The following PTPN4 variants were observed in gnomAD, a reference collection of about 807,000 sequenced individuals.
PTPN4 encodes tyrosine-protein phosphatase non-receptor type 4.
PTPN4 carries 49 observed loss-of-function variants against 135.5 expected under a neutral mutation model. That is an observed-to-expected ratio of 0.36 (90% CI 0.29 to 0.46). The LOEUF (loss-of-function observed/expected upper bound fraction) is 0.46. PTPN4 is among the 20% of genes least tolerant of loss of function. The pLI is 1.00. For synonymous variants in PTPN4, 333 were observed against 369.9 expected (o/e 0.90, Z 1.14); for missense variants, 860 against 1,101.0 (o/e 0.78, Z 3.10).
chr2:119,952,193 GC>G, intron 19 of PTPN4, 64 bp downstream of exon 19: 2 of 1,413,840 alleles, frequency 1.4e-6, no homozygotes, highest in Admixed American at 4.2e-5. Context: ...ACTGAGCACA[GC>G]AGCCAGATTT....
chr2:119,955,102 TG>T, intron 19 of PTPN4, 54 bp from the exon 20 acceptor site: 1 of 1,451,154 alleles, frequency 6.9e-7, no homozygotes, highest in Non-Finnish European at 9.3e-7. Flanking sequence ...ATTCCTATCG[TG>T]TGAATTCATT....
chr2:119,955,810 G>A (rs930415926), intron 20 of PTPN4, among the ~76,000 whole-genome samples: 3 of 152,042 alleles, frequency 2.0e-5, no homozygotes, highest in Non-Finnish European at 4.4e-5. Context: ...GGTGGCAGGT[G>A]CCTGTAGTCC....
chr2:119,844,935 C>G (rs1677464982), intron 2 of PTPN4, among the ~76,000 whole-genome samples: 1 of 151,106 alleles, frequency 6.6e-6, no homozygotes, highest in African/African-American at 2.4e-5. Context: ...GAGCCGAGAT[C>G]ACGCCACTGC....
chr2:119,900,714 G>T lies in PTPN4; in HGVS notation c.676-4G>T. 1 of 1,512,262 alleles carries T rather than the reference G, an allele frequency of 6.6e-7. No individual in the cohort carries two copies. Among genetic ancestry groups the T allele is most frequent in the South Asian group, 1.3e-5 (1 of 78,262 alleles). The allele number at this position is 1,512,262 out of a possible 1,614,324, so 93.7% of individuals were successfully genotyped here. ...TATCATGTTTTTATTCATTTTTTTT[G>T]AAGGATCAGAGTAACAATGAAATTA... On this transcript the variant is annotated splice_region_variant and splice_polypyrimidine_tract_variant and intron_variant, in intron 9 of 26. Coordinates refer to ENST00000263708, the MANE Select transcript of PTPN4 (RefSeq NM_002830.4).
rs1679715172 is a variant in PTPN4, at chr2:119,982,882, A to T, written c.*5812A>T. On this transcript the variant is annotated 3_prime_UTR_variant, in exon 27 of 27. Coordinates refer to ENST00000263708, the MANE Select transcript of PTPN4 (RefSeq NM_002830.4). ...GGCCCAACTCTGAATTGTAGCAGTG[A>T]TGTCTTATATGCTTACGAGTTTATA... 6.6e-6 allele frequency: 1 copy of T among 152,144 alleles called. No individual in the cohort carries two copies. The highest frequency in any genetic ancestry group is 6.5e-5 in the Admixed American group (1 of 15,268). The allele number at this position is 152,144 out of a possible 1,614,324, so 9.4% of individuals were successfully genotyped here.
At chr2:119,820,580 A>ATGTT (rs1053478203) in intron 2 of PTPN4, among the ~76,000 whole-genome samples, 2 of 152,136 alleles carry the variant, frequency 1.3e-5, no homozygotes, top group Non-Finnish European at 2.9e-5. Context: ...GTTGGTGTTG[A>ATGTT]TGTTGATGGA....
chr2:119,965,409 C>T, intron 24 of PTPN4, 88 bp from the exon 25 acceptor site: 1 of 1,273,826 alleles, frequency 7.9e-7, no homozygotes, highest in Non-Finnish European at 1.1e-6. Flanking sequence ...TCTCCCCCTC[C>T]CTTCTTTCCT....
chr2:119,778,623 A>G (rs1383235325), intron 1 of PTPN4, among the ~76,000 whole-genome samples: 1 of 152,164 alleles, frequency 6.6e-6, no homozygotes, highest in African/African-American at 2.4e-5. Context: ...TATAAATAGG[A>G]TATAGTGAGT....
In PTPN4 at chr2:119,787,751, T is replaced by G. The variant is rs147320793; in HGVS notation, c.-17-22086T>G. Among the ~76,000 whole-genome samples the G allele has an allele frequency of 1.4e-3, 210 of 152,336 alleles. 1 individual carries two copies. Among genetic ancestry groups the G allele is most frequent in the Non-Finnish European group, 2.6e-3 (174 of 68,030 alleles). The stretch of plus-strand genomic sequence containing the variant: ...GGATTGTGGAACCTATGTAGTTCTA[T>G]TTCTTCATCTATAGAAATAAAGTTA... On this transcript the variant is annotated intron_variant, in intron 1 of 26. Transcript: ENST00000263708.
chr2:119,840,032 A>G (rs1677356937), intron 2 of PTPN4, among the ~76,000 whole-genome samples: 1 of 152,214 alleles, frequency 6.6e-6, no homozygotes, highest in Admixed American at 6.5e-5. Flanking sequence ...TTTTTATTTA[A>G]ATACTTTTTT....
At position 119,960,851 on chromosome 2, in the gene PTPN4, T is replaced by C; in HGVS notation, c.2178T>C (p.Cys726=). 1 of 1,613,928 alleles carries C rather than the reference T, an allele frequency of 6.2e-7. No homozygotes were observed. The highest frequency in any genetic ancestry group is 8.5e-7 in the Non-Finnish European group (1 of 1,179,918). The part of the protein sequence containing the change: ...SSSIINQYIA[C]QGPLPHTCTD... Reference sequence around the variant, plus strand: ...GCATTATAAATCAGTACATTGCTTGTCAAGGGCCATTACCACACACTTGTA... The same window carrying C: ...GCATTATAAATCAGTACATTGCTTGCCAAGGGCCATTACCACACACTTGTA... Residue 726 remains cysteine (C), a synonymous_variant, in exon 23 of 27, where the codon TGT becomes TGC. Coordinates refer to ENST00000263708, the MANE Select transcript of PTPN4 (RefSeq NM_002830.4).
At chr2:119,798,198 C>G (rs1349180060) in intron 1 of PTPN4, among the ~76,000 whole-genome samples, 1 of 146,906 alleles carries the variant, frequency 6.8e-6, no homozygotes, top group Admixed American at 6.8e-5. Flanking sequence ...CGGAGTTTTG[C>G]GCTTGTCACC....
intron 8 of PTPN4, among the ~76,000 whole-genome samples, chr2:119,882,992 AG>A (rs1278937956): frequency 6.6e-6 from 1 of 152,172 alleles, no homozygotes; most frequent in East Asian, 1.9e-4. Context: ...GTGAGCCAAG[AG>A]GAGAACAGGA....
intron 26 of PTPN4, among the ~76,000 whole-genome samples, chr2:119,971,180 A>G (rs1296123587): frequency 6.6e-6 from 1 of 152,182 alleles, no homozygotes; most frequent in Non-Finnish European, 1.5e-5. Context: ...ACTTACAATC[A>G]TGGTGGAAGG....
In PTPN4 at chr2:119,760,135, A is replaced by G; in HGVS notation, c.-267A>G. On this transcript the variant is annotated 5_prime_UTR_variant, in exon 1 of 27. Transcript: ENST00000263708. ...GGGGTGTGGATTATCTCATCCCTGC[A>G]GGGAGGTAGGAGAGGTCGCCGGCTG... is the stretch of plus-strand genomic sequence containing the variant. 2.6e-6 allele frequency: 1 copy of G among 391,746 alleles called. No individual in the cohort carries two copies. Among genetic ancestry groups the G allele is most frequent in the Non-Finnish European group, 4.5e-6 (1 of 222,012 alleles). 24.3% of individuals were successfully genotyped at this position (391,746 alleles called of 1,614,324 possible). A position where few individuals can be genotyped will look rare whatever the true frequency, so the allele number is the denominator to read the frequency against.
chr2:119,940,395 A>G (rs1574413931), intron 15 of PTPN4, among the ~76,000 whole-genome samples: 1 of 152,238 alleles, frequency 6.6e-6, no homozygotes, highest in Non-Finnish European at 1.5e-5. Context: ...GAAGACTAGA[A>G]TAACAGTAGT....
At chr2:119,781,330 A>T (rs578245998) in intron 1 of PTPN4, among the ~76,000 whole-genome samples, 45 of 152,324 alleles carry the variant, frequency 3.0e-4, no homozygotes, top group South Asian at 1.2e-3. Context: ...ATAATTTTTT[A>T]AAAATGAGAT....
chr2:119,788,095 T>G (rs1430793569), intron 1 of PTPN4, among the ~76,000 whole-genome samples: 3 of 152,168 alleles, frequency 2.0e-5, no homozygotes, highest in African/African-American at 7.2e-5. Flanking sequence ...ATTTAAAAAT[T>G]TACCCTTGTT....
intron 10 of PTPN4, among the ~76,000 whole-genome samples, chr2:119,905,827 A>G (rs1020471615): frequency 4.6e-5 from 7 of 152,192 alleles, no homozygotes; most frequent in Admixed American, 4.6e-4. Flanking sequence ...AACTGTACAA[A>G]TACATGGAAA....
Sources: allele counts gnomAD v4.1 joint callset (sites outside exome capture counted in the v4.1 genomes callset), GRCh38; gene constraint gnomAD v4.1.1; transcripts MANE v1.5; gene names NCBI Gene and HGNC (gene_info 2026-07-23, HGNC 2026-07-21).